SBNO2: variants seen among roughly 807,000 people sequenced by gnomAD.
SBNO2 encodes the protein strawberry notch homolog 2, also known as protein strawberry notch homolog 2.
In SBNO2, 89 loss-of-function variants were observed where a neutral mutation model predicts 146.3. The ratio of observed to expected loss-of-function variants is 0.61; its 90% CI spans 0.51 to 0.73. SBNO2 has a LOEUF of 0.73. Ranked by LOEUF, SBNO2 falls within the 30% of genes least tolerant of loss-of-function variation. The pLI, the probability that SBNO2 is intolerant of heterozygous loss-of-function variation, is 0.00. For missense variants in SBNO2, 2,092 were observed against 2,003.7 expected (o/e 1.04, Z -0.84); for synonymous variants, 1,147 against 892.6 (o/e 1.29, Z -5.08).
rs745719528 is a variant in SBNO2, at chr19:1,149,377, G to A, written c.159C>T (p.Ser53=). Residue 53 remains serine, a synonymous_variant, in exon 3 of 32, where the codon AGC becomes AGT. Transcript: ENST00000361757. The stretch of plus-strand genomic sequence containing the variant: ...AGGGTCCCGGTACTCACCGGCTGTC[G>A]CTGGAGAAGGCAGGGTATGGCGGCA... The part of the protein sequence containing the change: ...FSLPPYPAFS[S]DSRPFMSSAS... The A allele has an allele frequency of 4.5e-6, 7 of 1,552,200 alleles. No homozygotes were observed. Among genetic ancestry groups the A allele is most frequent in the South Asian group, 3.6e-5 (3 of 84,156 alleles).
At chr19:1,167,835 C>A (rs980449420) in intron 1 of SBNO2, among the ~76,000 whole-genome samples, 1 of 152,194 alleles carries the variant, frequency 6.6e-6, no homozygotes, top group Non-Finnish European at 1.5e-5. Context: ...GGCTCCTGAA[C>A]GGCCAGCCAG....
Position 1,112,041 on chromosome 19 carries a change from G to C in SBNO2, c.2655C>G (p.Arg885=), listed in dbSNP as rs1230062844. The part of the protein sequence containing the change: ...SLGALTHGDR[R]ATESRDLSKY... ...TGCTGAGGTCACGGGACTCCGTGGC[G>C]CGGCGGTCTCCGTGGGTCAGGGCCC... The change falls in exon 23 of 32, where the codon CGC becomes CGG. Residue 885 remains arginine (R), a synonymous_variant. Coordinates refer to ENST00000361757, the MANE Select transcript of SBNO2 (RefSeq NM_014963.3). The surrounding 1 kb of genome is among the most constrained non-coding windows in gnomAD (Gnocchi z 5.9). 2.5e-6 allele frequency: 4 copies of C among 1,612,376 alleles called. No homozygotes were observed. In the African/African-American group the frequency reaches 4.0e-5, roughly 16 times the overall value.
Position 1,112,870 on chromosome 19 carries a change from G to A in SBNO2, c.2327C>T (p.Ser776Phe). ...CTCCCTGAGGTTCACGTGGTCGATG[G>A]ACAGACCCTGCTCTGCCCGCGACTC... is the stretch of plus-strand genomic sequence containing the variant. ...AFESRAEQGL[S>F]IDHVNLREKQ... is the part of the protein sequence containing the mutation. Residue 776 changes from serine to phenylalanine, a missense_variant, in exon 20 of 32, where the codon TCC becomes TTC. Coordinates refer to ENST00000361757, the MANE Select transcript of SBNO2 (RefSeq NM_014963.3). This position sits in a 1 kb window ranked among gnomAD's most constrained non-coding sequence, Gnocchi z 5.9. 1 of 1,575,168 alleles carries A rather than the reference G, an allele frequency of 6.3e-7. No homozygotes were observed. Among genetic ancestry groups the A allele is most frequent in the Non-Finnish European group, 8.6e-7 (1 of 1,162,028 alleles).
chr19:1,110,550 C>T lies in SBNO2; in HGVS notation c.3028+195G>A, dbSNP rs1182552422. ...CCACAATGCACGGTGTTCCCACGAG[C>T]CCCGAGCCCACCTGGGATGCCCGGC... On this transcript the variant is annotated intron_variant, in intron 26 of 31. Coordinates refer to ENST00000361757, the MANE Select transcript of SBNO2 (RefSeq NM_014963.3). The surrounding 1 kb of genome is among the most constrained non-coding windows in gnomAD (Gnocchi z 4.9). 7.1e-6 allele frequency among the ~76,000 whole-genome samples: 1 copy of T among 139,902 alleles called. No homozygotes were observed. Among genetic ancestry groups the T allele is most frequent in the Non-Finnish European group, 1.6e-5 (1 of 61,064 alleles). 91.8% of individuals were successfully genotyped at this position (139,902 alleles called of 152,430 possible).
chr19:1,123,323 C>T (rs1373365592), intron 7 of SBNO2, among the ~76,000 whole-genome samples: 1 of 152,092 alleles, frequency 6.6e-6, no homozygotes, highest in Admixed American at 6.5e-5. Context: ...AAAATCCTCC[C>T]AGTGCCTCTG....
In SBNO2 at chr19:1,116,093, G is replaced by A. The variant is rs376254062; in HGVS notation, c.1813C>T (p.Leu605=). The A allele has an allele frequency of 3.7e-6, 6 of 1,609,096 alleles. No homozygotes were observed. The highest frequency in any genetic ancestry group is 1.7e-5 in the Admixed American group (1 of 58,924). ...GGAAAGTGCTTCTGAATTAGCGACA[G>A]GAACACGCCTCTGAAAGTGAGACGC... ...CFVSAAEGVF[L]SLIQKHFPST... is the part of the protein sequence containing the mutation. The change falls in exon 17 of 32, where the codon CTG becomes TTG. Residue 605 remains leucine (L), a synonymous_variant. Transcript: ENST00000361757.
rs776532196 is a variant in SBNO2, at chr19:1,113,523, C to G, written c.2247+12G>C. ...CCCGCCCACCACACTCCAGCTGCCA[C>G]GTCCCACCCACCTCCGCCACCCGCT... On this transcript the variant is annotated intron_variant, in intron 19 of 31. Transcript: ENST00000361757. 4.4e-6 allele frequency: 7 copies of G among 1,586,568 alleles called. No homozygotes were observed. Among genetic ancestry groups the G allele is most frequent in the Non-Finnish European group, 6.0e-6 (7 of 1,169,418 alleles).
intron 1 of SBNO2, 98 bp downstream of exon 1, chr19:1,174,074 G>A (rs1421734926): frequency 6.7e-6 from 1 of 149,582 alleles, no homozygotes; most frequent in African/African-American, 2.4e-5. Flanking sequence ...CCCAGCCCCG[G>A]GCGCAGGGGT....
At chr19:1,149,535 C>T (rs2080223718) in intron 2 of SBNO2, 93 bp from the exon 3 acceptor site, 21 of 1,186,816 alleles carry the variant, frequency 1.8e-5, no homozygotes, top group Admixed American at 4.1e-5. Context: ...GGCCGAGAGG[C>T]TAGGGAGGCC....
At chr19:1,138,362 G>C (rs2145272498) in intron 4 of SBNO2, among the ~76,000 whole-genome samples, 1 of 151,884 alleles carries the variant, frequency 6.6e-6, no homozygotes, top group Middle Eastern at 3.4e-3. Context: ...TGGGCACAGA[G>C]GGTGGGCTGC....
chr19:1,166,491 T>A (rs894642863), intron 1 of SBNO2, among the ~76,000 whole-genome samples: 1 of 152,054 alleles, frequency 6.6e-6, no homozygotes, highest in African/African-American at 2.4e-5. Context: ...TCGGGTCTTG[T>A]GTTTATTTTC....
At chr19:1,151,381 G>C (rs1056449603) in intron 2 of SBNO2, among the ~76,000 whole-genome samples, 4 of 152,204 alleles carry the variant, frequency 2.6e-5, no homozygotes, top group Non-Finnish European at 5.9e-5. Context: ...ACCCAGGCCA[G>C]GCTAGGGGAT....
intron 1 of SBNO2, among the ~76,000 whole-genome samples, chr19:1,165,790 C>T (rs896439913): frequency 5.6e-5 from 2 of 35,964 alleles, no homozygotes; most frequent in Non-Finnish European, 5.8e-5. Flanking sequence ...AGATCCCAGA[C>T]CCCAGACCCC....
intron 11 of SBNO2, among the ~76,000 whole-genome samples, chr19:1,121,346 C>A (rs559824221): frequency 6.6e-6 from 1 of 152,210 alleles, no homozygotes; most frequent in Non-Finnish European, 1.5e-5. Context: ...TAGATTGTTG[C>A]ACATAGATTG....
intron 4 of SBNO2, chr19:1,132,314 C>T (rs1360117746): frequency 2.3e-5 from 30 of 1,298,104 alleles, no homozygotes; most frequent in Non-Finnish European, 2.8e-5. Context: ...CCTCTAAGGC[C>T]GGGGCTGACT....
intron 14 of SBNO2, among the ~76,000 whole-genome samples, chr19:1,117,772 C>T (rs886102474): frequency 3.3e-5 from 5 of 152,258 alleles, no homozygotes; most frequent in African/African-American, 4.8e-5. Flanking sequence ...CTTCCAAGAA[C>T]ACAGGGTGCT....
intron 4 of SBNO2, among the ~76,000 whole-genome samples, chr19:1,133,453 C>T (rs927850213): frequency 6.6e-6 from 1 of 151,732 alleles, no homozygotes; most frequent in African/African-American, 2.4e-5. Context: ...ACTCCGCCCC[C>T]TCGGGCTCAC....
At chr19:1,128,133 C>T (rs553945447) in intron 4 of SBNO2, 7 of 486,586 alleles carry the variant, frequency 1.4e-5, no homozygotes, top group African/African-American at 3.9e-5. Context: ...AGTGAGACTC[C>T]GTCTCAAAAA....
Position 1,109,863 on chromosome 19 carries a change from CTA to C in SBNO2, c.3029-88_3029-87del. The C allele has an allele frequency of 2.1e-6, 2 of 950,492 alleles. No homozygotes were observed. Among genetic ancestry groups the C allele is most frequent in the South Asian group, 3.3e-5 (2 of 60,030 alleles). The allele number at this position is 950,492 out of a possible 1,614,324, so 58.9% of individuals were successfully genotyped here. On this transcript the variant is annotated intron_variant, in intron 26 of 31. Coordinates refer to ENST00000361757, the MANE Select transcript of SBNO2 (RefSeq NM_014963.3). This position sits in a 1 kb window ranked among gnomAD's most constrained non-coding sequence, Gnocchi z 4.2. ...GTCAGTCCCGTAGCCGGGGCGCACC[CTA>C]GAGACGACCCCCCGAGAGCACAGGA...
Sources: allele counts gnomAD v4.1 joint callset (sites outside exome capture counted in the v4.1 genomes callset), GRCh38; gene constraint gnomAD v4.1.1; non-coding constraint Gnocchi (gnomAD v3.1); transcripts MANE v1.5; gene names NCBI Gene and HGNC (gene_info 2026-07-23, HGNC 2026-07-21).